Variants in PKM observed in about 807,000 individuals in gnomAD.
The protein encoded by PKM is pyruvate kinase M1/2, also known as pyruvate kinase PKM.
PKM carries 18 observed loss-of-function variants against 49.8 expected under a neutral mutation model. That is an observed-to-expected ratio of 0.36 (90% confidence interval 0.25 to 0.54). The LOEUF (loss-of-function observed/expected upper bound fraction) is 0.54, where lower values mean the gene tolerates loss of function less well. Ranked by LOEUF, PKM falls within the 20% of genes least tolerant of loss-of-function variation. The probability of loss-of-function intolerance (pLI) is 0.89; values close to 1 mark genes in which losing one functional copy is unlikely to be tolerated. For synonymous variants in PKM, 239 were observed against 261.8 expected (o/e 0.91, Z 0.84); for missense variants, 508 against 713.8 (o/e 0.71, Z 3.28).
At chr15:72,215,313 AGAAACTG>A (rs1005980057) in intron 3 of PKM, among the ~76,000 whole-genome samples, 1 of 152,220 alleles carries the variant, frequency 6.6e-6, no homozygotes, top group Non-Finnish European at 1.5e-5. Flanking sequence ...TAAAATAGTC[AGAAACTG>A]GAAAAGTACG....
rs958624684 is a variant in PKM, at chr15:72,229,679, C to G, written c.-14+1437G>C. The G allele has an allele frequency of 2.0e-4, 252 of 1,241,932 alleles. 1 individual carries two copies. The highest frequency in any genetic ancestry group is 4.1e-5 in the Non-Finnish European group (39 of 952,032). 76.9% of individuals were successfully genotyped at this position (1,241,932 alleles called of 1,614,324 possible). A position where few individuals can be genotyped will look rare whatever the true frequency, so the allele number is the denominator to read the frequency against. On this transcript the variant is annotated intron_variant, in intron 1 of 10. Coordinates refer to ENST00000335181, the MANE Select transcript of PKM (RefSeq NM_002654.6). ...CCTCCCACAGCAGGAAGCTCGTACC[C>G]CACTCCCAGCATTACAGGAGATACA...
chr15:72,209,748 T>A lies in PKM; in HGVS notation c.490A>T (p.Ile164Phe), dbSNP rs2082197287. 1 of 1,614,132 alleles carries A rather than the reference T, an allele frequency of 6.2e-7. No homozygotes were observed. The highest frequency in any genetic ancestry group is 8.5e-7 in the Non-Finnish European group (1 of 1,180,006). ...ENILWLDYKN[I>F]CKVVEVGSKI... ...CTGCCCACTTCCACCACCTTGCAGATGTTCTTGTAGTCCAGCCACAGGATG... is the reference window on the plus strand; with the variant it reads ...CTGCCCACTTCCACCACCTTGCAGAAGTTCTTGTAGTCCAGCCACAGGATG... The change falls in exon 5 of 11, where the codon ATC (isoleucine) becomes TTC (phenylalanine). Residue 164 changes from isoleucine (I) to phenylalanine (F), a missense_variant. Physicochemically the swap from Ile to Phe is conservative, Grantham distance 21. Coordinates refer to ENST00000335181, the MANE Select transcript of PKM (RefSeq NM_002654.6).
At chr15:72,226,827 G>A (rs1173948991) in intron 1 of PKM, among the ~76,000 whole-genome samples, 1 of 152,234 alleles carries the variant, frequency 6.6e-6, no homozygotes, top group African/African-American at 2.4e-5. Flanking sequence ...AGTGGGGGAG[G>A]TGAGTCTCAG....
chr15:72,207,058 G>A, intron 7 of PKM, 69 bp downstream of exon 7: 3 of 1,576,614 alleles, frequency 1.9e-6, no homozygotes, highest in Non-Finnish European at 2.6e-6. Context: ...AGATCAGACA[G>A]CCTCCAGAGC....
intron 3 of PKM, among the ~76,000 whole-genome samples, chr15:72,214,149 T>A (rs2082321256): frequency 6.6e-6 from 1 of 152,222 alleles, no homozygotes; most frequent in Non-Finnish European, 1.5e-5. Flanking sequence ...ACACTTCAGT[T>A]TTCTTGACTT....
Position 72,199,640 on chromosome 15 carries a change from C to T in PKM, c.*10G>A, listed in dbSNP as rs1374368973. On this transcript the variant is annotated 3_prime_UTR_variant, in exon 11 of 11. Coordinates refer to ENST00000335181, the MANE Select transcript of PKM (RefSeq NM_002654.6). ...TGGGACAGGGGCTGGAGGAGGGGCT[C>T]TGGGGTCCATCACGGCACAGGAACA... 5.6e-6 allele frequency: 9 copies of T among 1,601,830 alleles called. No homozygotes were observed. The highest frequency in any genetic ancestry group is 7.7e-6 in the Non-Finnish European group (9 of 1,169,352).
chr15:72,205,230 C>A (rs1191362390), intron 8 of PKM, among the ~76,000 whole-genome samples: 1 of 152,136 alleles, frequency 6.6e-6, no homozygotes, highest in Admixed American at 6.5e-5. Flanking sequence ...CCTGCTGCCC[C>A]AGCATCACCC....
intron 2 of PKM, among the ~76,000 whole-genome samples, chr15:72,217,813 C>T (rs944769336): frequency 2.6e-5 from 4 of 152,220 alleles, no homozygotes; most frequent in African/African-American, 9.6e-5. Context: ...CTTGGTAGCA[C>T]AGAACATGTT....
chr15:72,216,672 C>G (rs2082385065), intron 3 of PKM, among the ~76,000 whole-genome samples: 1 of 152,154 alleles, frequency 6.6e-6, no homozygotes, highest in Admixed American at 6.5e-5. Flanking sequence ...ACCCCAAGCT[C>G]CTCAGAATGG....
At chr15:72,205,628 T>C (rs987144454) in intron 8 of PKM, among the ~76,000 whole-genome samples, 36 of 147,570 alleles carry the variant, frequency 2.4e-4, no homozygotes, top group African/African-American at 8.3e-4. Context: ...GTTTTAGTTT[T>C]TTTTTTTTTT....
At chr15:72,203,130 C>T (rs564292159) in intron 8 of PKM, 10 of 1,613,980 alleles carry the variant, frequency 6.2e-6, no homozygotes, top group African/African-American at 2.7e-5. Flanking sequence ...ACTTGAGGCT[C>T]GCACAAGTTC....
chr15:72,208,539 G>T (rs2082144305), intron 6 of PKM, 82 bp downstream of exon 6: 6 of 1,442,262 alleles, frequency 4.2e-6, no homozygotes, highest in Non-Finnish European at 5.9e-6. Flanking sequence ...TGGGCTAGGG[G>T]CTGGGAATCA....
intron 5 of PKM, 155 bp from the exon 6 acceptor site, chr15:72,209,046 T>A: frequency 1.3e-6 from 1 of 772,152 alleles, no homozygotes; most frequent in East Asian, 2.7e-5. Flanking sequence ...CACTGTGTAA[T>A]CCTGGGCAAG....
Position 72,202,544 on chromosome 15 carries a change from C to CTGGTAA in PKM, c.1211_1216dup (p.Ile404_Thr405dup). On this transcript the variant is annotated inframe_insertion, in exon 9 of 11. Transcript: ENST00000335181. The surrounding 1 kb of genome is among the most constrained non-coding windows in gnomAD (Gnocchi z 4.5). Reference sequence around the variant, plus strand: ...CACGGCGGTGGCTTCTGTGGGGTCGCTGGTAATGGGCGCCAGGCGGCGGAG... The same window carrying CTGGTAA: ...CACGGCGGTGGCTTCTGTGGGGTCGCTGGTAATGGTAATGGGCGCCAGGCGGCGGAG... 6.2e-7 allele frequency: 1 copy of CTGGTAA among 1,613,620 alleles called. No homozygotes were observed. Among genetic ancestry groups the CTGGTAA allele is most frequent in the Non-Finnish European group, 8.5e-7 (1 of 1,179,908 alleles).
At position 72,208,609 on chromosome 15, in the gene PKM, A is replaced by G. The variant is rs1277696752; in HGVS notation, c.836+12T>C. The G allele has an allele frequency of 6.8e-6, 11 of 1,613,982 alleles. No homozygotes were observed. The highest frequency in any genetic ancestry group is 9.3e-6 in the Non-Finnish European group (11 of 1,179,930). ...CTGCGCTGGGACTGGAGCAGGGACA[A>G]CGGGGACTTGCCTCCGAACCCCCTC... On this transcript the variant is annotated intron_variant, in intron 6 of 10. Coordinates refer to ENST00000335181, the MANE Select transcript of PKM (RefSeq NM_002654.6).
intron 1 of PKM, chr15:72,228,655 G>A: frequency 2.3e-6 from 3 of 1,281,992 alleles, no homozygotes; most frequent in Non-Finnish European, 2.0e-6. Flanking sequence ...CTCCCCCACA[G>A]ATTTGGTGAT....
In PKM at chr15:72,210,012, T is replaced by C. The variant is rs546268076; in HGVS notation, c.379-153A>G. On this transcript the variant is annotated intron_variant, in intron 4 of 10. Coordinates refer to ENST00000335181, the MANE Select transcript of PKM (RefSeq NM_002654.6). ...TTTGCTCTTATTCTCTAACTCTGTA[T>C]ACTTCACGGAAATAATCCAAGAAAA... The C allele has an allele frequency of 3.1e-4, 224 of 719,438 alleles. No individual in the cohort carries two copies. The African/African-American group carries it at 3.5e-3, about 11-fold the overall frequency. 44.6% of individuals were successfully genotyped at this position (719,438 alleles called of 1,614,324 possible).
At chr15:72,207,035 A>G (rs1221222419) in intron 7 of PKM, 92 bp downstream of exon 7, 8 of 1,543,514 alleles carry the variant, frequency 5.2e-6, no homozygotes, top group Admixed American at 1.7e-5. Context: ...ACGTGCGACA[A>G]TTCCATGGGA....
rs78270897 is a variant in PKM, at chr15:72,218,941, C to T, written c.154+3G>A. Reference sequence around the variant, plus strand: ...TTTTGGGGGAAGGGGCACACCCACTCACCAATGGTACAGATGATGCCAGTG... The same window carrying T: ...TTTTGGGGGAAGGGGCACACCCACTTACCAATGGTACAGATGATGCCAGTG... On this transcript the variant is annotated splice_donor_region_variant and intron_variant, in intron 2 of 10. Transcript: ENST00000335181. 539 of 1,614,138 alleles carry T rather than the reference C, an allele frequency of 3.3e-4. 8 individuals are homozygous for T. The East Asian group carries it at 0.012, about 36-fold the overall frequency.
Sources: allele counts gnomAD v4.1 joint callset (sites outside exome capture counted in the v4.1 genomes callset), GRCh38; gene constraint gnomAD v4.1.1; non-coding constraint Gnocchi (gnomAD v3.1); transcripts MANE v1.5; gene names NCBI Gene and HGNC (gene_info 2026-07-23, HGNC 2026-07-21).